The following PIEZO1 variants were observed in gnomAD, a reference collection of about 807,000 sequenced individuals.
PIEZO1 encodes piezo type mechanosensitive ion channel component 1 (Er blood group).
PIEZO1 carries 296 observed loss-of-function variants against 297.2 expected under a neutral mutation model. That is an observed-to-expected ratio of 1.00 (90% CI 0.91 to 1.10). The LOEUF (loss-of-function observed/expected upper bound fraction) is 1.10, where lower values mean the gene tolerates loss of function less well. Among genes scored for constraint, PIEZO1 ranks in the 50% least tolerant of loss-of-function variants. The probability of loss-of-function intolerance (pLI) is 0.00; values close to 1 mark genes in which losing one functional copy is unlikely to be tolerated. For synonymous variants in PIEZO1, 2,427 were observed against 1,507.5 expected, an observed-to-expected ratio of 1.61 and a Z score of -14.13; for missense variants, 5,018 against 3,455.5, an observed-to-expected ratio of 1.45 and a Z score of -11.34.
At chr16:88,724,026 G>A in intron 30 of PIEZO1, 55 bp from the exon 31 acceptor site, 1 of 1,097,488 alleles carries the variant, frequency 9.1e-7, no homozygotes, top group South Asian at 1.4e-5. Flanking sequence ...CTCCCAGCCA[G>A]ACCCCCTCCG....
At position 88,720,678 on chromosome 16, in the gene PIEZO1, T is replaced by C; in HGVS notation, c.5739A>G (p.Pro1913=). 1.3e-6 allele frequency: 2 copies of C among 1,545,922 alleles called. No individual in the cohort carries two copies. The highest frequency in any genetic ancestry group is 1.7e-6 in the Non-Finnish European group (2 of 1,144,764). Residue 1913 remains proline (P), a synonymous_variant, in exon 40 of 51, where the codon CCA becomes CCG. Coordinates refer to ENST00000301015, the MANE Select transcript of PIEZO1 (RefSeq NM_001142864.4). ...CCCTTACTCTTCCTCCAGAGCGGCT[T>C]GGCCTCTTCTCTCTCCCCGTGGGGG... ...KEAPTGREKR[P]SRSGGRVRAA... is the part of the protein sequence containing the mutation.
chr16:88,715,581 CCT>C lies in PIEZO1; in HGVS notation c.*22_*23del. On this transcript the variant is annotated 3_prime_UTR_variant, in exon 51 of 51. Coordinates refer to ENST00000301015, the MANE Select transcript of PIEZO1 (RefSeq NM_001142864.4). ...CGCTGCCCAGCAGGCCGGCTCCTTC[CCT>C]CTCGGGCGCCAGCAGCAGCTCCTAC... 5 of 1,544,824 alleles carry C rather than the reference CCT, an allele frequency of 3.2e-6. No homozygotes were observed. The highest frequency in any genetic ancestry group is 4.4e-6 in the Non-Finnish European group (5 of 1,144,398).
At chr16:88,749,219 G>A (rs528618317) in intron 2 of PIEZO1, among the ~76,000 whole-genome samples, 165 bp downstream of exon 2, 8 of 151,538 alleles carry the variant, frequency 5.3e-5, no homozygotes, top group African/African-American at 7.3e-5. Flanking sequence ...CAGCCTGGGC[G>A]ACTGAGCGAG....
intron 12 of PIEZO1, 27 bp from the exon 13 acceptor site, chr16:88,735,273 C>T: frequency 1.3e-6 from 2 of 1,489,136 alleles, no homozygotes; most frequent in South Asian, 1.2e-5. Context: ...GTGTCACAGT[C>T]AGCCGGGGGG....
intron 16 of PIEZO1, 97 bp downstream of exon 16, chr16:88,734,259 G>T: frequency 1.6e-6 from 2 of 1,259,796 alleles, no homozygotes; most frequent in Non-Finnish European, 2.1e-6. Flanking sequence ...GGATCTGAAG[G>T]TGGAAGATGT....
In PIEZO1 at chr16:88,733,211, G is replaced by A. The variant is rs77151968; in HGVS notation, c.2664+67C>T. ...CACTGCACTGAGGCAGCTGCCCCAGGAGGGTCGGGCTGCGAATACAGAGTT... is the reference window on the plus strand; with the variant it reads ...CACTGCACTGAGGCAGCTGCCCCAGAAGGGTCGGGCTGCGAATACAGAGTT... On this transcript the variant is annotated intron_variant, in intron 19 of 50. Transcript: ENST00000301015. 4 of 1,407,532 alleles carry A rather than the reference G, an allele frequency of 2.8e-6. No individual in the cohort carries two copies. The East Asian group carries it at 7.6e-5, about 27-fold the overall frequency. 87.2% of individuals were successfully genotyped at this position (1,407,532 alleles called of 1,614,324 possible).
chr16:88,741,894 C>T (rs547440996), intron 4 of PIEZO1, 159 bp downstream of exon 4: 1 of 309,610 alleles, frequency 3.2e-6, no homozygotes, highest in African/African-American at 2.6e-5. Context: ...GTGGATGGGT[C>T]TCCAGGTGTG....
intron 1 of PIEZO1, among the ~76,000 whole-genome samples, chr16:88,750,238 A>G (rs1319846719): frequency 6.6e-6 from 1 of 151,966 alleles, no homozygotes; most frequent in Admixed American, 6.6e-5. Context: ...CAGGAGGCTG[A>G]GGCAGGAGAA....
chr16:88,722,986 C>A lies in PIEZO1; in HGVS notation c.4519G>T (p.Val1507Leu), dbSNP rs1256752400. Residue 1507 changes from valine to leucine, a missense_variant, in exon 34 of 51, where the codon GTG becomes TTG. Physicochemically the swap from Val to Leu is conservative, Grantham distance 32. Coordinates refer to ENST00000301015, the MANE Select transcript of PIEZO1 (RefSeq NM_001142864.4). Reference protein sequence around the residue: ...AAGRSHVVQRVLSTAQFLWML... With the variant: ...AAGRSHVVQRLLSTAQFLWML... ...CACAGGAACTGCGCCGTGCTCAGCA[C>A]CCTCTGCACCACATGGCTCCGGCCT... 2 of 1,548,246 alleles carry A rather than the reference C, an allele frequency of 1.3e-6. No individual in the cohort carries two copies. The highest frequency in any genetic ancestry group is 2.0e-5 in the Admixed American group (1 of 50,998).
rs1905659550 is a variant in PIEZO1 at position 88,741,550 on chromosome 16, G to C, written c.393C>G (p.Val131=). Residue 131 remains valine, a synonymous_variant, in exon 5 of 51, where the codon GTC becomes GTG. Transcript: ENST00000301015. Reference sequence around the variant, plus strand: ...CGCAGATGCCGAGGCAGACAGAGGAGACCACCAAGATGCCCAGGTCAGGGG... The same window carrying C: ...CGCAGATGCCGAGGCAGACAGAGGACACCACCAAGATGCCCAGGTCAGGGG... ...LVAPDLGILV[V]SSVCLGICGR... 3 of 1,535,626 alleles carry C rather than the reference G, an allele frequency of 2.0e-6. No individual in the cohort carries two copies. The highest frequency in any genetic ancestry group is 2.0e-5 in the Admixed American group (1 of 50,964).
chr16:88,736,778 CTG>C lies in PIEZO1; in HGVS notation c.1196-41_1196-40del, dbSNP rs1905248904. On this transcript the variant is annotated intron_variant, in intron 10 of 50. Transcript: ENST00000301015. ...CAGCGGTCAGCTTCGGCAGGTTGATCTGCAGGCCTCCCCACCCTGACTATGCC... is the reference window on the plus strand; with the variant it reads ...CAGCGGTCAGCTTCGGCAGGTTGATCCAGGCCTCCCCACCCTGACTATGCC... 3.0e-6 allele frequency: 4 copies of C among 1,315,652 alleles called. No individual in the cohort carries two copies. In the South Asian group the frequency reaches 4.0e-5, roughly 13 times the overall value. 81.5% of individuals were successfully genotyped at this position (1,315,652 alleles called of 1,614,324 possible).
At position 88,736,282 on chromosome 16, in the gene PIEZO1, T is replaced by C; in HGVS notation, c.1423A>G (p.Met475Val). 1 of 1,550,146 alleles carries C rather than the reference T, an allele frequency of 6.5e-7. No homozygotes were observed. Among genetic ancestry groups the C allele is most frequent in the Middle Eastern group, 1.7e-4 (1 of 5,984 alleles). ...ACGTAGCGTAGGCAGCACAGCGTCA[T>C]CCCATACAGCAGGATGCAGGGCGAG... is the stretch of plus-strand genomic sequence containing the variant. ...LCSPCILLYG[M>V]TLCCLRYVWA... The change falls in exon 12 of 51, where the codon ATG becomes GTG. Residue 475 changes from methionine (M) to valine (V), a missense_variant. Physicochemically the swap from Met to Val is conservative, Grantham distance 21 (BLOSUM62 1). Transcript: ENST00000301015.
rs1912293927 is a variant in PIEZO1, at chr16:88,719,723, T to A, written c.6324-2A>T. 6.4e-7 allele frequency: 1 copy of A among 1,550,626 alleles called. No individual in the cohort carries two copies. Among genetic ancestry groups the A allele is most frequent in the Non-Finnish European group, 8.7e-7 (1 of 1,147,100 alleles). ...ACCAGGAACGGCACCAGCCGGAACC[T>A]GCCCACAGCCAGGGTTCCCGTCAGG... On this transcript the variant is annotated splice_acceptor_variant, in intron 43 of 50. Coordinates refer to ENST00000301015, the MANE Select transcript of PIEZO1 (RefSeq NM_001142864.4). LOFTEE classifies it high-confidence loss of function.
chr16:88,774,322 C>T (rs925674742), intron 1 of PIEZO1, among the ~76,000 whole-genome samples: 3 of 152,212 alleles, frequency 2.0e-5, no homozygotes, highest in Non-Finnish European at 4.4e-5. Flanking sequence ...ACCCGGGAGG[C>T]GGAGTTTGCG....
intron 1 of PIEZO1, among the ~76,000 whole-genome samples, chr16:88,780,686 C>T (rs1038736045): frequency 2.2e-4 from 33 of 152,196 alleles, no homozygotes; most frequent in African/African-American, 5.8e-4. Flanking sequence ...GTCAGCCGGG[C>T]GCGGTGGCTC....
intron 12 of PIEZO1, among the ~76,000 whole-genome samples, chr16:88,735,575 A>G (rs921312666): frequency 3.3e-5 from 5 of 152,282 alleles, no homozygotes; most frequent in Non-Finnish European, 7.3e-5. Flanking sequence ...ATGTTTGCCC[A>G]CATGCGTGCT....
chr16:88,775,873 G>A (rs567384973), intron 1 of PIEZO1, among the ~76,000 whole-genome samples: 1 of 152,300 alleles, frequency 6.6e-6, no homozygotes, highest in African/African-American at 2.4e-5. Flanking sequence ...TAAACAGCTG[G>A]GAGACTTGAG....
At position 88,726,665 on chromosome 16, in the gene PIEZO1, G is replaced by T. The variant is rs765546212; in HGVS notation, c.3700-22C>A. On this transcript the variant is annotated intron_variant, in intron 25 of 50. Coordinates refer to ENST00000301015, the MANE Select transcript of PIEZO1 (RefSeq NM_001142864.4). ...GGAGCTGGGGGAGAGCAGGGTCAGC[G>T]GGGCCAGCGGGGCCCCAGGGCGGTG... 11 of 1,547,090 alleles carry T rather than the reference G, an allele frequency of 7.1e-6. No homozygotes were observed. In the South Asian group the frequency reaches 1.3e-4, roughly 18 times the overall value.
intron 5 of PIEZO1, chr16:88,741,089 G>A (rs990839025): frequency 6.2e-6 from 1 of 162,072 alleles, no homozygotes; most frequent in Non-Finnish European, 1.3e-5. Flanking sequence ...CAGCCTGTTT[G>A]CCTGTAAGTG....
Sources: allele counts gnomAD v4.1 joint callset (sites outside exome capture counted in the v4.1 genomes callset), GRCh38; gene constraint gnomAD v4.1.1; transcripts MANE v1.5; gene names NCBI Gene and HGNC (gene_info 2026-07-23, HGNC 2026-07-21).